The following MUC13 variants were observed in gnomAD, a reference collection of about 807,000 sequenced individuals.
The protein encoded by MUC13 is mucin 13, cell surface associated.
Under a neutral mutation model 48.3 loss-of-function variants are expected in MUC13, and 32 were observed. The observed-to-expected ratio is 0.66, with a 90% CI of 0.50 to 0.89. The LOEUF (loss-of-function observed/expected upper bound fraction) is 0.89. Ranked by LOEUF, MUC13 falls within the 40% of genes least tolerant of loss-of-function variation. MUC13 has a pLI of 0.00. For synonymous variants in MUC13, 199 were observed against 224.9 expected (o/e 0.88, Z 1.03); for missense variants, 571 against 622.8 (o/e 0.92, Z 0.88).
intron 10 of MUC13, among the ~76,000 whole-genome samples, chr3:124,908,827 G>A (rs749121771): frequency 9.2e-5 from 14 of 152,154 alleles, no homozygotes; most frequent in Non-Finnish European, 1.9e-4. Context: ...TAAGAATCAC[G>A]TTGGTGGGTA....
intron 1 of MUC13, among the ~76,000 whole-genome samples, chr3:124,932,435 A>T (rs1935813983): frequency 6.6e-6 from 1 of 151,760 alleles, no homozygotes; most frequent in Admixed American, 6.6e-5. Flanking sequence ...GTGTGGTGGC[A>T]GGTGCCTGTA....
chr3:124,910,629 C>T lies in MUC13; in HGVS notation c.1253-130G>A, dbSNP rs1242569925. On this transcript the variant is annotated intron_variant, in intron 9 of 11. Transcript: ENST00000616727. ...AGGTTCTGGTCTCCAACCCTCCAGGCCAGGTTGGGTAGTTGGCCTATTTCC... is the reference window on the plus strand; with the variant it reads ...AGGTTCTGGTCTCCAACCCTCCAGGTCAGGTTGGGTAGTTGGCCTATTTCC... The T allele has an allele frequency of 4.2e-6, 6 of 1,415,258 alleles. No homozygotes were observed. In the East Asian group the frequency reaches 7.7e-5, roughly 18 times the overall value. 87.7% of individuals were successfully genotyped at this position (1,415,258 alleles called of 1,614,324 possible). A position where few individuals can be genotyped will look rare whatever the true frequency, so the allele number is the denominator to read the frequency against.
intron 10 of MUC13, among the ~76,000 whole-genome samples, chr3:124,909,096 G>A (rs1440226320): frequency 6.6e-6 from 1 of 151,954 alleles, no homozygotes; most frequent in African/African-American, 2.4e-5. Context: ...GGAGGTTGCA[G>A]CGAGCCAAGA....
intron 6 of MUC13, among the ~76,000 whole-genome samples, chr3:124,914,145 C>T (rs1326600645): frequency 1.3e-5 from 2 of 152,168 alleles, no homozygotes; most frequent in Admixed American, 6.5e-5. Flanking sequence ...GGTGTGGTGG[C>T]TCACGTCTGT....
intron 2 of MUC13, among the ~76,000 whole-genome samples, chr3:124,924,619 A>G (rs2107672364): frequency 6.6e-6 from 1 of 152,244 alleles, no homozygotes; most frequent in Non-Finnish European, 1.5e-5. Flanking sequence ...ACAAGCAAAT[A>G]TTTGCTTATA....
Position 124,928,028 on chromosome 3 carries a change from G to A in MUC13, c.53-35C>T, listed in dbSNP as rs1553772215. ...CAAAGATACCAAGTTTGAGGAGACA[G>A]TACATTGAATAACTAATGGCAGTTA... On this transcript the variant is annotated intron_variant, in intron 1 of 11. Transcript: ENST00000616727. 7 of 1,385,046 alleles carry A rather than the reference G, an allele frequency of 5.1e-6. No individual in the cohort carries two copies. The African/African-American group carries it at 1.0e-4, about 20-fold the overall frequency. 85.8% of individuals were successfully genotyped at this position (1,385,046 alleles called of 1,614,324 possible).
chr3:124,916,541 A>G, intron 5 of MUC13, 61 bp from the exon 6 acceptor site: 7 of 1,513,720 alleles, frequency 4.6e-6, no homozygotes, highest in Non-Finnish European at 6.3e-6. Context: ...AAATAATTCT[A>G]ATCTCCCAGA....
rs564284925 is a variant in MUC13 at position 124,922,103 on chromosome 3, C to T, written c.744+94G>A. Reference sequence around the variant, plus strand: ...TGTTTGAACAACTGGTACGATGGTACGAGCGTGAACCACCTGAAGACCAGC... The same window carrying T: ...TGTTTGAACAACTGGTACGATGGTATGAGCGTGAACCACCTGAAGACCAGC... On this transcript the variant is annotated intron_variant, in intron 4 of 11. Coordinates refer to ENST00000616727, the MANE Select transcript of MUC13 (RefSeq NM_033049.4). 65 of 1,412,730 alleles carry T rather than the reference C, an allele frequency of 4.6e-5. No homozygotes were observed. The African/African-American group carries it at 5.9e-4, about 13-fold the overall frequency. The allele number at this position is 1,412,730 out of a possible 1,614,324, so 87.5% of individuals were successfully genotyped here.
chr3:124,918,580 G>A (rs1358605060), intron 5 of MUC13, among the ~76,000 whole-genome samples: 1 of 152,190 alleles, frequency 6.6e-6, no homozygotes, highest in Non-Finnish European at 1.5e-5. Flanking sequence ...CTCCTCACAA[G>A]GCTCCAGGGA....
chr3:124,909,986 T>C (rs1935390772), intron 10 of MUC13, among the ~76,000 whole-genome samples: 1 of 152,198 alleles, frequency 6.6e-6, no homozygotes, highest in Non-Finnish European at 1.5e-5. Context: ...AGGTTATATC[T>C]CAAAATGTTA....
At chr3:124,916,681 A>C (rs937409983) in intron 5 of MUC13, among the ~76,000 whole-genome samples, 1 of 152,206 alleles carries the variant, frequency 6.6e-6, no homozygotes, top group Non-Finnish European at 1.5e-5. Context: ...ATGTGTATTC[A>C]GAGGAAACCT....
At chr3:124,910,546 C>T (rs768979307) in intron 9 of MUC13, 47 bp from the exon 10 acceptor site, 3 of 1,609,596 alleles carry the variant, frequency 1.9e-6, no homozygotes, top group South Asian at 1.1e-5. Flanking sequence ...AGCTGGCCCC[C>T]AACTGTCTAC....
At position 124,927,565 on chromosome 3, in the gene MUC13, C is replaced by G; in HGVS notation, c.481G>C (p.Ala161Pro). The G allele has an allele frequency of 6.2e-7, 1 of 1,614,126 alleles. No homozygotes were observed. Among genetic ancestry groups the G allele is most frequent in the Non-Finnish European group, 8.5e-7 (1 of 1,180,016 alleles). The change falls in exon 2 of 12, where the codon GCT (alanine) becomes CCT (proline). Residue 161 changes from alanine (A) to proline (P), a missense_variant. Transcript: ENST00000616727. ...TTTAGGGTGCTGGTCTCCAATAAAG[C>G]GGTGCCAGTGGGAGGCCCTGATGAT... ...NQSSGPPTGT[A>P]LLETSTLNST... is the part of the protein sequence containing the mutation.
intron 10 of MUC13, 130 bp downstream of exon 10, chr3:124,910,285 G>A (rs1271370778): frequency 9.3e-6 from 12 of 1,283,806 alleles, no homozygotes; most frequent in Non-Finnish European, 1.3e-5. Flanking sequence ...TGTAATCCCA[G>A]CACTTTGGGA....
chr3:124,918,720 C>A (rs1255473284), intron 5 of MUC13, among the ~76,000 whole-genome samples: 1 of 152,186 alleles, frequency 6.6e-6, no homozygotes, highest in African/African-American at 2.4e-5. Flanking sequence ...AACTCCATTC[C>A]AATTTCACCA....
intron 2 of MUC13, among the ~76,000 whole-genome samples, chr3:124,927,276 A>T (rs561582162): frequency 6.6e-6 from 1 of 152,078 alleles, no homozygotes; most frequent in South Asian, 2.1e-4. Flanking sequence ...CAAGTTCATT[A>T]AAAAAAATAC....
At position 124,916,442 on chromosome 3, in the gene MUC13, T is replaced by C; in HGVS notation, c.839A>G (p.Asp280Gly). 1 of 1,613,526 alleles carries C rather than the reference T, an allele frequency of 6.2e-7. No individual in the cohort carries two copies. Among genetic ancestry groups the C allele is most frequent in the Non-Finnish European group, 8.5e-7 (1 of 1,179,784 alleles). Residue 280 changes from aspartate to glycine, a missense_variant, in exon 6 of 12, where the codon GAC becomes GGC. Coordinates refer to ENST00000616727, the MANE Select transcript of MUC13 (RefSeq NM_033049.4). Reference sequence around the variant, plus strand: ...TACTATTGTTACATTAACAAACTTGTCATCAGCACGCATTTCAGATCTTGG... The same window carrying C: ...TACTATTGTTACATTAACAAACTTGCCATCAGCACGCATTTCAGATCTTGG... ...LSPRSEMRAD[D>G]KFVNVTIVTI...
chr3:124,922,374 T>C lies in MUC13; in HGVS notation c.638-71A>G, dbSNP rs926060844. 149 of 1,526,076 alleles carry C rather than the reference T, an allele frequency of 9.8e-5. 1 individual carries two copies. The highest frequency in any genetic ancestry group is 3.5e-4 in the Middle Eastern group (2 of 5,780). The allele number at this position is 1,526,076 out of a possible 1,614,324, so 94.5% of individuals were successfully genotyped here. ...GTCATTTCCATTTTGTTTTAAAACA[T>C]AGATTATTTTTTAGAATTCCCAACA... On this transcript the variant is annotated intron_variant, in intron 3 of 11. Transcript: ENST00000616727.
At chr3:124,913,704 A>T in intron 6 of MUC13, 23 bp from the exon 7 acceptor site, 1 of 1,613,864 alleles carries the variant, frequency 6.2e-7, no homozygotes. Flanking sequence ...AATAGTTTAA[A>T]AATATATTCA....
Sources: gnomAD v4.1 joint callset for allele counts (sites outside exome capture counted in the v4.1 genomes callset) on GRCh38, gnomAD v4.1.1 for gene constraint, MANE v1.5 for transcripts, NCBI Gene and HGNC (gene_info 2026-07-23, HGNC 2026-07-21) for gene names.